The following CDH13 variants were observed in gnomAD, a reference collection of about 807,000 sequenced individuals.
CDH13 encodes cadherin 13, also known as cadherin-13.
Under a neutral mutation model 63.8 loss-of-function variants are expected in CDH13, and 24 were observed. The observed-to-expected ratio is 0.38, with a 90% CI of 0.27 to 0.53. The LOEUF (loss-of-function observed/expected upper bound fraction) is 0.53. CDH13 is among the 20% of genes least tolerant of loss of function. The probability of loss-of-function intolerance (pLI) is 0.85; values close to 1 mark genes in which losing one functional copy is unlikely to be tolerated. For missense variants in CDH13, 1,049 were observed against 903.1 expected, an observed-to-expected ratio of 1.16 and a Z score of -2.07; for synonymous variants, 503 against 355.3, an observed-to-expected ratio of 1.42 and a Z score of -4.67.
chr16:83,511,149 C>G (rs1157113566), intron 7 of CDH13, among the ~76,000 whole-genome samples: 1 of 152,132 alleles, frequency 6.6e-6, no homozygotes, highest in Admixed American at 6.5e-5. Flanking sequence ...CACGCACATG[C>G]ACACACGCTC....
intron 10 of CDH13, among the ~76,000 whole-genome samples, chr16:83,717,515 C>A (rs147900805): frequency 3.2e-4 from 48 of 152,356 alleles, no homozygotes; most frequent in African/African-American, 1.1e-3. Context: ...TGCTGAAGGA[C>A]GACACCATCA....
chr16:83,471,845 T>G (rs1213679507), intron 6 of CDH13, among the ~76,000 whole-genome samples: 1 of 152,202 alleles, frequency 6.6e-6, no homozygotes, highest in Non-Finnish European at 1.5e-5. Context: ...ATCGAGCACA[T>G]GGAGGAGACC....
At chr16:82,805,023 G>T (rs756165083) in intron 1 of CDH13, among the ~76,000 whole-genome samples, 2 of 152,142 alleles carry the variant, frequency 1.3e-5, no homozygotes, top group Non-Finnish European at 2.9e-5. Flanking sequence ...ATCCAGAGGC[G>T]TAAAGGAAAA....
At chr16:82,974,856 C>G (rs532788866) in intron 2 of CDH13, among the ~76,000 whole-genome samples, 7 of 152,328 alleles carry the variant, frequency 4.6e-5, no homozygotes, top group African/African-American at 1.7e-4. Flanking sequence ...ACCTCAAGGA[C>G]TATAAAATAA....
At chr16:83,240,255 T>C (rs1904313973) in intron 5 of CDH13, among the ~76,000 whole-genome samples, 2 of 152,086 alleles carry the variant, frequency 1.3e-5, no homozygotes, top group African/African-American at 4.8e-5. Flanking sequence ...GGGCTTAGCA[T>C]GTGTAGGGAA....
intron 6 of CDH13, among the ~76,000 whole-genome samples, chr16:83,402,876 C>G (rs1297987214): frequency 6.6e-6 from 1 of 152,124 alleles, no homozygotes; most frequent in Non-Finnish European, 1.5e-5. Context: ...GATACGTCCC[C>G]TTCTCCTTGC....
chr16:82,892,678 G>A (rs1442269209), intron 2 of CDH13, among the ~76,000 whole-genome samples: 1 of 152,100 alleles, frequency 6.6e-6, no homozygotes, highest in Non-Finnish European at 1.5e-5. Flanking sequence ...CTGTCATTTA[G>A]CATTTAATTA....
At chr16:83,267,430 C>T (rs2088658295) in intron 5 of CDH13, among the ~76,000 whole-genome samples, 2 of 152,166 alleles carry the variant, frequency 1.3e-5, no homozygotes, top group African/African-American at 4.8e-5. Context: ...AAAGAGAGAG[C>T]AGCTCTCCCT....
chr16:83,120,578 T>A (rs947637441), intron 3 of CDH13, among the ~76,000 whole-genome samples: 5 of 152,176 alleles, frequency 3.3e-5, no homozygotes, highest in Non-Finnish European at 7.3e-5. Context: ...TACGTCTTTT[T>A]AAAGTGTTTC....
intron 10 of CDH13, among the ~76,000 whole-genome samples, chr16:83,716,210 A>G (rs531345827): frequency 9.9e-5 from 15 of 151,916 alleles, no homozygotes; most frequent in Admixed American, 4.6e-4. Flanking sequence ...CCTCCCCCAT[A>G]ATCAATATCC....
At chr16:82,886,348 C>A (rs544789630) in intron 2 of CDH13, among the ~76,000 whole-genome samples, 1 of 152,184 alleles carries the variant, frequency 6.6e-6, no homozygotes, top group Non-Finnish European at 1.5e-5. Context: ...GTTTGCATTT[C>A]CATATGGTTT....
At chr16:82,629,754 C>T (rs927174220) in intron 1 of CDH13, among the ~76,000 whole-genome samples, 1 of 152,162 alleles carries the variant, frequency 6.6e-6, no homozygotes, top group Non-Finnish European at 1.5e-5. Flanking sequence ...AAGCTGGCAC[C>T]GTTGAACAGT....
chr16:83,136,502 A>G (rs1473517448), intron 4 of CDH13, among the ~76,000 whole-genome samples: 2 of 151,568 alleles, frequency 1.3e-5, no homozygotes, highest in African/African-American at 2.4e-5. Flanking sequence ...AAAAAAAAAA[A>G]AAAAAGAAAT....
At chr16:83,437,965 T>C (rs531337039) in intron 6 of CDH13, among the ~76,000 whole-genome samples, 1 of 152,204 alleles carries the variant, frequency 6.6e-6, no homozygotes, top group South Asian at 2.1e-4. Flanking sequence ...CCTCCATCCA[T>C]CCTCCTGGCC....
At chr16:83,217,300 G>A (rs373456028) in intron 4 of CDH13, 45 bp from the exon 5 acceptor site, 601 of 1,605,566 alleles carry the variant, frequency 3.7e-4, no homozygotes, top group Non-Finnish European at 4.9e-4. Context: ...TGCTTTCTCT[G>A]TGTTTTCCAG....
At chr16:83,475,213 C>A (rs1484517749) in intron 6 of CDH13, among the ~76,000 whole-genome samples, 2 of 152,234 alleles carry the variant, frequency 1.3e-5, no homozygotes, top group Non-Finnish European at 2.9e-5. Flanking sequence ...CTGTGCAGGT[C>A]ACACGTTCAT....
At chr16:82,934,078 C>G (rs2042588830) in intron 2 of CDH13, among the ~76,000 whole-genome samples, 2 of 152,238 alleles carry the variant, frequency 1.3e-5, no homozygotes, top group Admixed American at 1.3e-4. Flanking sequence ...CCAGTGGGGA[C>G]TATGTGTGGT....
At chr16:82,791,275 G>A (rs1401566648) in intron 1 of CDH13, among the ~76,000 whole-genome samples, 2 of 152,036 alleles carry the variant, frequency 1.3e-5, no homozygotes, top group Non-Finnish European at 2.9e-5. Context: ...AAGCCTAGCT[G>A]GGGAAGGTGA....
At chr16:82,899,709 A>G (rs1316582413) in intron 2 of CDH13, among the ~76,000 whole-genome samples, 1 of 152,128 alleles carries the variant, frequency 6.6e-6, no homozygotes, top group Non-Finnish European at 1.5e-5. Context: ...GCACCTCTGC[A>G]TTTCTCACCT....
Sources: allele counts gnomAD v4.1 joint callset (sites outside exome capture counted in the v4.1 genomes callset), GRCh38; gene constraint gnomAD v4.1.1; transcripts MANE v1.5; gene names NCBI Gene and HGNC (gene_info 2026-07-23, HGNC 2026-07-21).